ARHGAP12: variants seen among roughly 807,000 people sequenced by gnomAD.
ARHGAP12 encodes Rho GTPase activating protein 12.
ARHGAP12 carries 64 observed loss-of-function variants against 108.6 expected under a neutral mutation model. The ratio of observed to expected loss-of-function variants is 0.59; its 90% CI spans 0.48 to 0.73. The LOEUF (loss-of-function observed/expected upper bound fraction) is 0.73. Among genes scored for constraint, ARHGAP12 ranks in the 30% least tolerant of loss-of-function variants. ARHGAP12 has a pLI of 0.00. For synonymous variants in ARHGAP12, 312 were observed against 337.2 expected (o/e 0.93, Z 0.82); for missense variants, 940 against 1,005.9 (o/e 0.93, Z 0.89).
intron 3 of ARHGAP12, among the ~76,000 whole-genome samples, chr10:31,866,995 T>G (rs1837350932): frequency 1.3e-5 from 2 of 152,344 alleles, no homozygotes; most frequent in South Asian, 4.1e-4. Flanking sequence ...CAGGTGGAAT[T>G]ATGTTTGAAA....
At position 31,812,772 on chromosome 10, in the gene ARHGAP12, T is replaced by A. The variant is rs1835068337; in HGVS notation, c.1886A>T (p.Asn629Ile). 6.2e-7 allele frequency: 1 copy of A among 1,609,006 alleles called. No homozygotes were observed. Among genetic ancestry groups the A allele is most frequent in the Non-Finnish European group, 8.5e-7 (1 of 1,178,716 alleles). ...GCGTCGTGTAAGAAACTTCTTTAAG[T>A]TTTTCTTGGTTTTTTTCTGTTCTGA... ...DSSEQKKTKK[N>I]LKKFLTRRPT... Residue 629 changes from asparagine (N) to isoleucine (I), a missense_variant, in exon 15 of 20, where the codon AAC becomes ATC. By Grantham distance (149) the Asn-to-Ile change is moderately radical. Transcript: ENST00000344936.
intron 13 of ARHGAP12, among the ~76,000 whole-genome samples, chr10:31,817,307 G>A (rs1398422886): frequency 6.6e-6 from 1 of 152,192 alleles, no homozygotes; most frequent in African/African-American, 2.4e-5. Context: ...ATATAAAGAA[G>A]AAGAAATATA....
intron 2 of ARHGAP12, 122 bp from the exon 3 acceptor site, chr10:31,909,048 C>T (rs1564428485): frequency 1.8e-6 from 1 of 562,658 alleles, no homozygotes; most frequent in Non-Finnish European, 3.0e-6. Flanking sequence ...AATCTCAAAC[C>T]CCAAAAAGCA....
intron 1 of ARHGAP12, among the ~76,000 whole-genome samples, chr10:31,923,132 G>GAAAAACAAAAAAAAAAAAAA (rs1839888861): frequency 1.2e-5 from 1 of 83,226 alleles, no homozygotes; most frequent in African/African-American, 5.5e-5. Flanking sequence ...ACCCTAACAG[G>GAAAAACAAAAAAAAAAAAAA]AAAAAAAAAA....
chr10:31,854,394 T>C (rs768626244), intron 4 of ARHGAP12, among the ~76,000 whole-genome samples, 188 bp from the exon 5 acceptor site: 5 of 152,214 alleles, frequency 3.3e-5, no homozygotes, highest in Non-Finnish European at 7.3e-5. Context: ...GTAAAATTAA[T>C]AGTGGTTATT....
At chr10:31,868,691 C>T (rs1837423761) in intron 3 of ARHGAP12, among the ~76,000 whole-genome samples, 1 of 151,782 alleles carries the variant, frequency 6.6e-6, no homozygotes, top group South Asian at 2.1e-4. Context: ...ATCCCAGCAC[C>T]TTGGGAGGTT....
intron 7 of ARHGAP12, 135 bp downstream of exon 7, chr10:31,843,326 G>T: frequency 1.0e-6 from 1 of 997,470 alleles, no homozygotes; most frequent in Non-Finnish European, 1.4e-6. Flanking sequence ...CAGATCAAAA[G>T]CTTAAATTAG....
intron 9 of ARHGAP12, 136 bp downstream of exon 9, chr10:31,839,169 G>C: frequency 5.8e-6 from 5 of 868,174 alleles, no homozygotes; most frequent in Non-Finnish European, 8.7e-6. Context: ...TCACATGGAG[G>C]TTTTCCAGTT....
chr10:31,831,670 AATTAT>A, intron 10 of ARHGAP12, 64 bp downstream of exon 10: 4 of 1,077,504 alleles, frequency 3.7e-6, no homozygotes, highest in South Asian at 1.6e-5. Flanking sequence ...ATACTAAAAT[AATTAT>A]ATTGAGAATT....
chr10:31,916,937 G>A (rs1313574022), intron 1 of ARHGAP12, among the ~76,000 whole-genome samples: 1 of 152,036 alleles, frequency 6.6e-6, no homozygotes, highest in Non-Finnish European at 1.5e-5. Context: ...ATCTTAATTA[G>A]TGAGCTTACA....
chr10:31,834,105 T>C (rs1304049803), intron 9 of ARHGAP12, among the ~76,000 whole-genome samples: 1 of 152,164 alleles, frequency 6.6e-6, no homozygotes, highest in Non-Finnish European at 1.5e-5. Context: ...GGGGAAACTG[T>C]CAAGCTTGAG....
intron 4 of ARHGAP12, among the ~76,000 whole-genome samples, chr10:31,861,008 T>A (rs548230735): frequency 6.6e-6 from 1 of 152,210 alleles, no homozygotes; most frequent in African/African-American, 2.4e-5. Flanking sequence ...TGAGATATCA[T>A]TGCACCAGGG....
chr10:31,867,913 A>T (rs537289120), intron 3 of ARHGAP12, among the ~76,000 whole-genome samples: 61 of 152,268 alleles, frequency 4.0e-4, no homozygotes, highest in African/African-American at 1.4e-3. Flanking sequence ...AAAAAAAAAA[A>T]ATCTGGCCAG....
intron 6 of ARHGAP12, among the ~76,000 whole-genome samples, chr10:31,844,842 C>T (rs946433767): frequency 1.3e-5 from 2 of 152,028 alleles, no homozygotes; most frequent in Non-Finnish European, 1.5e-5. Flanking sequence ...TACCCACCAA[C>T]GACTCCCTAT....
At chr10:31,807,973 C>A (rs1834877421) in intron 19 of ARHGAP12, 141 bp from the exon 20 acceptor site, 1 of 539,834 alleles carries the variant, frequency 1.9e-6, no homozygotes, top group Non-Finnish European at 2.9e-6. Flanking sequence ...AACTATTTAA[C>A]CAAGTAGAAT....
At chr10:31,879,181 C>A (rs758408961) in intron 3 of ARHGAP12, among the ~76,000 whole-genome samples, 1 of 152,176 alleles carries the variant, frequency 6.6e-6, no homozygotes, top group African/African-American at 2.4e-5. Context: ...GAGGCCTAGG[C>A]AGGCAGATTG....
intron 3 of ARHGAP12, among the ~76,000 whole-genome samples, chr10:31,893,833 A>G (rs982103560): frequency 3.3e-5 from 5 of 152,234 alleles, no homozygotes; most frequent in African/African-American, 9.6e-5. Context: ...ACGAACATCA[A>G]TGGAAAAATC....
At chr10:31,913,647 A>G (rs941772863) in intron 1 of ARHGAP12, 2 of 152,242 alleles carry the variant, frequency 1.3e-5, no homozygotes. Flanking sequence ...AAAAAAAAAA[A>G]CACGAGTCAT....
intron 13 of ARHGAP12, among the ~76,000 whole-genome samples, chr10:31,816,168 CGTGTGTGTGTGTGTGT>C (rs201754040): frequency 1.3e-3 from 183 of 136,426 alleles, no homozygotes; most frequent in South Asian, 4.6e-3. Flanking sequence ...AAGAAAGAAA[CGTGTGTGTGTGTGTGT>C]GTGTGTGTGT....
Sources: allele counts gnomAD v4.1 joint callset (sites outside exome capture counted in the v4.1 genomes callset), GRCh38; gene constraint gnomAD v4.1.1; transcripts MANE v1.5; gene names NCBI Gene and HGNC (gene_info 2026-07-23, HGNC 2026-07-21).